The following OXSM variants were observed in gnomAD, a reference collection of about 807,000 sequenced individuals.
OXSM encodes the protein 3-oxoacyl-[acyl-carrier-protein] synthase, mitochondrial.
In OXSM, 19 loss-of-function variants were observed where a neutral mutation model predicts 29.2. That is an observed-to-expected ratio of 0.65 (90% CI 0.45 to 0.96). The LOEUF (loss-of-function observed/expected upper bound fraction) is 0.96. Ranked by LOEUF, OXSM falls within the 40% of genes least tolerant of loss-of-function variation. The pLI, the probability that OXSM is intolerant of heterozygous loss-of-function variation, is 0.00. For synonymous variants in OXSM, 178 were observed against 197.1 expected, an observed-to-expected ratio of 0.90 and a Z score of 0.81; for missense variants, 554 against 551.3, an observed-to-expected ratio of 1.00 and a Z score of -0.05.
Position 25,790,110 on chromosome 3 carries a change from C to T in OXSM, c.-69C>T. ...CGTGCGCTCGAGAGCGTCATCGCCC[C>T]CGACTGTGGAGAAGTGTCCGGGGTA... On this transcript the variant is annotated 5_prime_UTR_variant, in exon 1 of 3. Coordinates refer to ENST00000280701, the MANE Select transcript of OXSM (RefSeq NM_017897.3). The T allele has an allele frequency of 1.7e-6, 1 of 585,556 alleles. No individual in the cohort carries two copies. The allele number at this position is 585,556 out of a possible 1,614,324, so 36.3% of individuals were successfully genotyped here.
intron 2 of OXSM, among the ~76,000 whole-genome samples, chr3:25,792,268 A>T (rs1462392674): frequency 6.6e-6 from 1 of 152,198 alleles, no homozygotes; most frequent in East Asian, 1.9e-4. Context: ...TCACGCCTGC[A>T]TTTGTGCTTA....
rs1167968340 is a variant in OXSM at position 25,791,117 on chromosome 3, G to C, written c.97G>C (p.Gly33Arg). Residue 33 changes from glycine to arginine, a missense_variant, in exon 2 of 3, where the codon GGA becomes CGA. By Grantham distance (125) the Gly-to-Arg change is moderately radical. Transcript: ENST00000280701. ...QQLRSKRKFF[G>R]TVPISRLHRR... ...GTTAAGAAGTAAAAGGAAGTTTTTC[G>C]GAACTGTGCCAATATCCAGATTGCA... 6.2e-7 allele frequency: 1 copy of C among 1,614,130 alleles called. No homozygotes were observed. The highest frequency in any genetic ancestry group is 1.3e-5 in the African/African-American group (1 of 75,030).
At position 25,791,240 on chromosome 3, in the gene OXSM, G is replaced by A; in HGVS notation, c.220G>A (p.Val74Ile). 6.2e-7 allele frequency: 1 copy of A among 1,614,208 alleles called. No homozygotes were observed. The highest frequency in any genetic ancestry group is 1.1e-5 in the South Asian group (1 of 91,084). The stretch of plus-strand genomic sequence containing the variant: ...TCTTATCGGAGGAGAGAGTGGAATT[G>A]TTTCACTGGTTGGTGAAGAGTATAA... Reference protein sequence around the residue: ...DRLIGGESGIVSLVGEEYKSI... With the variant: ...DRLIGGESGIISLVGEEYKSI... Residue 74 changes from valine to isoleucine, a missense_variant, in exon 2 of 3, where the codon GTT becomes ATT. Coordinates refer to ENST00000280701, the MANE Select transcript of OXSM (RefSeq NM_017897.3).
At position 25,791,195 on chromosome 3, in the gene OXSM, A is replaced by G. The variant is rs1559567960; in HGVS notation, c.175A>G (p.Thr59Ala). The change falls in exon 2 of 3, where the codon ACT (threonine) becomes GCT (alanine). Residue 59 changes from threonine (T) to alanine (A), a missense_variant. Transcript: ENST00000280701. ...IGLVTPLGVG[T>A]HLVWDRLIGG... ...CTTAGTGACTCCTCTTGGTGTTGGA[A>G]CTCACCTGGTTTGGGATCGTCTTAT... 2 of 1,614,014 alleles carry G rather than the reference A, an allele frequency of 1.2e-6. No individual in the cohort carries two copies.
chr3:25,791,662 T>A lies in OXSM; in HGVS notation c.642T>A (p.His214Gln), dbSNP rs745408317. 6.2e-7 allele frequency: 1 copy of A among 1,614,126 alleles called. No homozygotes were observed. Among genetic ancestry groups the A allele is most frequent in the East Asian group, 2.2e-5 (1 of 44,890 alleles). Residue 214 changes from histidine to glutamine, a missense_variant, in exon 2 of 3, where the codon CAT (histidine) becomes CAA (glutamine). Physicochemically the swap from His to Gln is conservative, Grantham distance 24. Transcript: ENST00000280701. ...CCACAGCCTGTACCACAGGAGCTCA[T>A]GCTGTGGGAGACTCATTTAGATTTA... ...AVSTACTTGA[H>Q]AVGDSFRFIA...
intron 2 of OXSM, 139 bp downstream of exon 2, chr3:25,792,136 T>C (rs1708772699): frequency 1.5e-6 from 1 of 686,610 alleles, no homozygotes; most frequent in South Asian, 2.0e-5. Context: ...AACAAGATTG[T>C]TTAGTTCTTT....
intron 1 of OXSM, 26 bp from the exon 2 acceptor site, chr3:25,790,964 C>T: frequency 6.5e-7 from 1 of 1,542,712 alleles, no homozygotes; most frequent in Non-Finnish European, 8.8e-7. Flanking sequence ...AAGAATACCT[C>T]CTAGGTGTGT....
intron 2 of OXSM, among the ~76,000 whole-genome samples, chr3:25,792,317 C>G (rs1193525221): frequency 6.6e-6 from 1 of 152,200 alleles, no homozygotes; most frequent in Non-Finnish European, 1.5e-5. Flanking sequence ...TCCTCTTTGA[C>G]CCTTCATCAG....
Position 25,791,778 on chromosome 3 carries a change from C to G in OXSM, c.758C>G (p.Ala253Gly), listed in dbSNP as rs535960613. 6.2e-7 allele frequency: 1 copy of G among 1,614,062 alleles called. No homozygotes were observed. The highest frequency in any genetic ancestry group is 1.1e-5 in the South Asian group (1 of 91,076). The change falls in exon 2 of 3, where the codon GCT (alanine) becomes GGT (glycine). Residue 253 changes from alanine to glycine, a missense_variant. By Grantham distance (60) the Ala-to-Gly change is moderately conservative (BLOSUM62 0). Coordinates refer to ENST00000280701, the MANE Select transcript of OXSM (RefSeq NM_017897.3). ...CTTGCTGGGTTTTCCAGAGCCCGGG[C>G]TCTGAGCACAAACTCAGATCCCAAG... The part of the protein sequence containing the change: ...LSLAGFSRAR[A>G]LSTNSDPKLA...
rs778159597 is a variant in OXSM, at chr3:25,791,138, T to C, written c.118T>C (p.Leu40=). Residue 40 remains leucine (L), a synonymous_variant, in exon 2 of 3, where the codon TTG becomes CTG. Transcript: ENST00000280701. Reference sequence around the variant, plus strand: ...TTTCGGAACTGTGCCAATATCCAGATTGCATAGGCGAGTTGTCATTACAGG... The same window carrying C: ...TTTCGGAACTGTGCCAATATCCAGACTGCATAGGCGAGTTGTCATTACAGG... ...KFFGTVPISR[L]HRRVVITGIG... 14 of 1,614,218 alleles carry C rather than the reference T, an allele frequency of 8.7e-6. No individual in the cohort carries two copies. In the South Asian group the frequency reaches 1.4e-4, roughly 16 times the overall value.
chr3:25,792,090 T>G (rs1399214234), intron 2 of OXSM, 93 bp downstream of exon 2: 1 of 1,048,716 alleles, frequency 9.5e-7, no homozygotes, highest in Non-Finnish European at 1.4e-6. Flanking sequence ...CTGGCCTTGG[T>G]GTACAGTATC....
At chr3:25,790,322 A>T (rs1438727925) in intron 1 of OXSM, among the ~76,000 whole-genome samples, 175 bp downstream of exon 1, 1 of 152,158 alleles carries the variant, frequency 6.6e-6, no homozygotes, top group East Asian at 1.9e-4. Context: ...GATACAGGGA[A>T]TGGCTACACT....
rs759146602 is a variant in OXSM, at chr3:25,791,912, A to G, written c.892A>G (p.Ile298Val). The G allele has an allele frequency of 5.0e-6, 8 of 1,604,184 alleles. No individual in the cohort carries two copies. In the South Asian group the frequency reaches 8.8e-5, roughly 18 times the overall value. The change falls in exon 2 of 3, where the codon ATC (isoleucine) becomes GTC (valine). Residue 298 changes from isoleucine (I) to valine (V), a missense_variant. By Grantham distance (29) the Ile-to-Val change is conservative. Transcript: ENST00000280701. ...YEHAVQRRARIYAEVLGYGLS... is the reference protein window; with the variant it reads ...YEHAVQRRARVYAEVLGYGLS... ...ACATGCTGTTCAAAGAAGAGCCCGG[A>G]TCTATGCAGAAGTTTTGGGCTATGG... is the stretch of plus-strand genomic sequence containing the variant.
intron 2 of OXSM, 95 bp downstream of exon 2, chr3:25,792,092 T>A: frequency 9.8e-7 from 1 of 1,024,122 alleles, no homozygotes; most frequent in Non-Finnish European, 1.4e-6. Context: ...GGCCTTGGTG[T>A]ACAGTATCTC....
rs766962152 is a variant in OXSM, at chr3:25,794,241, T to C, written c.1127T>C (p.Val376Ala). Reference sequence around the variant, plus strand: ...AAAGACCATGCATATGCCCTTGCAGTTTCCTCAACTAAGGGAGCAACAGGA... The same window carrying C: ...AAAGACCATGCATATGCCCTTGCAGCTTCCTCAACTAAGGGAGCAACAGGA... Reference protein sequence around the residue: ...LFKDHAYALAVSSTKGATGHL... With the variant: ...LFKDHAYALAASSTKGATGHL... The change falls in exon 3 of 3, where the codon GTT becomes GCT. Residue 376 changes from valine to alanine, a missense_variant. Physicochemically the swap from Val to Ala is moderately conservative, Grantham distance 64. Coordinates refer to ENST00000280701, the MANE Select transcript of OXSM (RefSeq NM_017897.3). 1.9e-6 allele frequency: 3 copies of C among 1,614,222 alleles called. No individual in the cohort carries two copies. Among genetic ancestry groups the C allele is most frequent in the African/African-American group, 1.3e-5 (1 of 75,068 alleles).
chr3:25,793,689 A>G (rs1205530648), intron 2 of OXSM, among the ~76,000 whole-genome samples: 2 of 152,266 alleles, frequency 1.3e-5, no homozygotes, highest in South Asian at 2.1e-4. Flanking sequence ...TGAAAGAAAA[A>G]TCATAATTAT....
rs1708736524 is a variant in OXSM, at chr3:25,791,158, T to C, written c.138T>C (p.Ile46=). Residue 46 remains isoleucine, a synonymous_variant, in exon 2 of 3, where the codon ATT becomes ATC. Transcript: ENST00000280701. ...PISRLHRRVV[I]TGIGLVTPLG... The stretch of plus-strand genomic sequence containing the variant: ...CCAGATTGCATAGGCGAGTTGTCAT[T>C]ACAGGCATTGGCTTAGTGACTCCTC... The C allele has an allele frequency of 1.2e-5, 20 of 1,614,254 alleles. No homozygotes were observed. Among genetic ancestry groups the C allele is most frequent in the Non-Finnish European group, 1.6e-5 (19 of 1,180,034 alleles).
intron 2 of OXSM, among the ~76,000 whole-genome samples, chr3:25,793,076 A>G (rs1201508946): frequency 6.6e-6 from 1 of 152,200 alleles, no homozygotes; most frequent in Non-Finnish European, 1.5e-5. Flanking sequence ...AGCCAGGGCC[A>G]TAGTTTACCT....
rs758785585 is a variant in OXSM, at chr3:25,791,079, G to T, written c.59G>T (p.Arg20Ile). The change falls in exon 2 of 3, where the codon AGA becomes ATA. Residue 20 changes from arginine to isoleucine, a missense_variant. Transcript: ENST00000280701. Reference sequence around the variant, plus strand: ...ACAAGCACTCGTCTTCTATGTTCAAGATTATGCCAACAGTTAAGAAGTAAA... The same window carrying T: ...ACAAGCACTCGTCTTCTATGTTCAATATTATGCCAACAGTTAAGAAGTAAA... ...KITSTRLLCS[R>I]LCQQLRSKRK... 1.9e-6 allele frequency: 3 copies of T among 1,614,136 alleles called. No homozygotes were observed. Among genetic ancestry groups the T allele is most frequent in the Non-Finnish European group, 2.5e-6 (3 of 1,179,950 alleles).
Sources: allele counts gnomAD v4.1 joint callset (sites outside exome capture counted in the v4.1 genomes callset), GRCh38; gene constraint gnomAD v4.1.1; transcripts MANE v1.5; gene names NCBI Gene and HGNC (gene_info 2026-07-23, HGNC 2026-07-21).